MAGI2: variants seen among roughly 807,000 people sequenced by gnomAD.
The protein encoded by MAGI2 is membrane associated guanylate kinase, WW and PDZ domain containing 2.
Under a neutral mutation model 133.3 loss-of-function variants are expected in MAGI2, and 35 were observed. The ratio of observed to expected loss-of-function variants is 0.26; its 90% CI spans 0.20 to 0.35. The LOEUF (loss-of-function observed/expected upper bound fraction) is 0.35, where lower values mean the gene tolerates loss of function less well. Among genes scored for constraint, MAGI2 ranks in the 10% least tolerant of loss-of-function variants. MAGI2 has a pLI of 1.00. For synonymous variants in MAGI2, 729 were observed against 710.6 expected (o/e 1.03, Z -0.41); for missense variants, 1,636 against 1,863.4 (o/e 0.88, Z 2.25).
intron 1 of MAGI2, among the ~76,000 whole-genome samples, chr7:79,291,604 A>C (rs1836492268): frequency 6.6e-6 from 1 of 152,164 alleles, no homozygotes; most frequent in African/African-American, 2.4e-5. Context: ...AGTTACAGAC[A>C]TCCAAATGAG....
At chr7:78,360,534 G>A (rs1217477636) in intron 7 of MAGI2, among the ~76,000 whole-genome samples, 3 of 152,190 alleles carry the variant, frequency 2.0e-5, no homozygotes, top group Admixed American at 6.5e-5. Flanking sequence ...GTTTAATCTC[G>A]AGAGAGGAAA....
chr7:78,312,381 A>G (rs1798783940), intron 9 of MAGI2, among the ~76,000 whole-genome samples: 2 of 152,168 alleles, frequency 1.3e-5, no homozygotes, highest in Non-Finnish European at 2.9e-5. Flanking sequence ...GTATAGGCGA[A>G]CTGTAAATTT....
intron 1 of MAGI2, among the ~76,000 whole-genome samples, chr7:79,098,622 A>G (rs1011359108): frequency 2.1e-4 from 32 of 152,158 alleles, no homozygotes; most frequent in African/African-American, 7.0e-4. Flanking sequence ...TGCAATACTA[A>G]TCTTTGTTCC....
Position 78,489,857 on chromosome 7 carries a change from T to C in MAGI2, c.966-17A>G, listed in dbSNP as rs1016132345. On this transcript the variant is annotated splice_polypyrimidine_tract_variant and intron_variant, in intron 5 of 21. Transcript: ENST00000354212. Reference sequence around the variant, plus strand: ...GTGTTATGGCTGAAAAGAAAAGAGATCACTCTGAACAGACACATACTAAAA... The same window carrying C: ...GTGTTATGGCTGAAAAGAAAAGAGACCACTCTGAACAGACACATACTAAAA... 1 of 1,597,196 alleles carries C rather than the reference T, an allele frequency of 6.3e-7. No homozygotes were observed. The highest frequency in any genetic ancestry group is 8.6e-7 in the Non-Finnish European group (1 of 1,166,178).
At chr7:78,129,271 C>T (rs1051899436) in intron 18 of MAGI2, among the ~76,000 whole-genome samples, 4 of 152,250 alleles carry the variant, frequency 2.6e-5, no homozygotes, top group South Asian at 4.1e-4. Context: ...TACCCAGTGT[C>T]GTGTGTCAGG....
chr7:79,243,806 C>T (rs1036678436), intron 1 of MAGI2, among the ~76,000 whole-genome samples: 3 of 152,086 alleles, frequency 2.0e-5, no homozygotes, highest in African/African-American at 7.2e-5. Flanking sequence ...AATGAATACT[C>T]GTCAAAAAGA....
At chr7:78,258,791 A>T (rs758326720) in intron 9 of MAGI2, among the ~76,000 whole-genome samples, 1 of 152,174 alleles carries the variant, frequency 6.6e-6, no homozygotes, top group Non-Finnish European at 1.5e-5. Flanking sequence ...ATTGTAATAC[A>T]GTATTTAGTG....
Position 78,256,062 on chromosome 7 carries a change from C to T in MAGI2, c.1928G>A (p.Gly643Asp). The T allele has an allele frequency of 6.2e-7, 1 of 1,613,680 alleles. No homozygotes were observed. Among genetic ancestry groups the T allele is most frequent in the Non-Finnish European group, 8.5e-7 (1 of 1,179,878 alleles). The change falls in exon 10 of 22, where the codon GGC becomes GAC. Residue 643 changes from glycine to aspartate, a missense_variant. By Grantham distance (94) the Gly-to-Asp change is moderately conservative. Around this residue, in one of 5 missense-constraint regions of MAGI2, gnomAD observed 920 missense variants for 1,093.5 expected, o/e 0.84. Transcript: ENST00000354212. ...CTGGTTGATCTCAACAATGAGGTCG[C>T]CTTCACACAGGCCAGGGCATCCCTG... ...DIQGCPGLCE[G>D]DLIVEINQQN...
intron 1 of MAGI2, among the ~76,000 whole-genome samples, chr7:79,402,255 T>C (rs1845518516): frequency 6.6e-6 from 1 of 152,158 alleles, no homozygotes; most frequent in African/African-American, 2.4e-5. Context: ...TTTTTTAAAA[T>C]TGCAATTTTA....
intron 6 of MAGI2, among the ~76,000 whole-genome samples, chr7:78,479,712 G>A (rs190737374): frequency 7.8e-4 from 118 of 151,954 alleles, no homozygotes; most frequent in African/African-American, 2.5e-3. Context: ...GAATGTCCAG[G>A]ATAAACATAA....
intron 3 of MAGI2, among the ~76,000 whole-genome samples, chr7:78,573,364 A>AG (rs1801905487): frequency 2.7e-5 from 1 of 36,926 alleles, no homozygotes; most frequent in African/African-American, 1.8e-4. Flanking sequence ...AGAATCCTGG[A>AG]AATATATATA....
intron 6 of MAGI2, among the ~76,000 whole-genome samples, chr7:78,407,399 C>T (rs908603654): frequency 1.3e-5 from 2 of 151,918 alleles, no homozygotes; most frequent in African/African-American, 4.8e-5. Flanking sequence ...AAAAAAGTCA[C>T]CTTTTGTTAA....
intron 3 of MAGI2, among the ~76,000 whole-genome samples, chr7:78,531,244 T>C (rs549480139): frequency 6.7e-6 from 1 of 149,224 alleles, no homozygotes; most frequent in Admixed American, 6.7e-5. Context: ...AGACAGAGTC[T>C]CACTCTGTCA....
chr7:79,016,362 G>C (rs1808731781), intron 1 of MAGI2, among the ~76,000 whole-genome samples: 1 of 152,114 alleles, frequency 6.6e-6, no homozygotes, highest in Non-Finnish European at 1.5e-5. Context: ...ACCCCAGCTA[G>C]GCCTGATTGC....
At chr7:78,962,525 T>G (rs890443837) in intron 2 of MAGI2, among the ~76,000 whole-genome samples, 2 of 151,504 alleles carry the variant, frequency 1.3e-5, no homozygotes, top group African/African-American at 4.8e-5. Flanking sequence ...TTTTTTTTCT[T>G]CCCAGATAGG....
chr7:79,281,309 AAT>A (rs1359039144), intron 1 of MAGI2, among the ~76,000 whole-genome samples: 22 of 152,176 alleles, frequency 1.4e-4, no homozygotes, highest in Admixed American at 1.4e-3. Flanking sequence ...TAGAAATCTG[AAT>A]ATTAACCAGT....
rs944063312 is a variant in MAGI2 at position 78,904,322 on chromosome 7, A to C, written c.418+102768T>G. On this transcript the variant is annotated intron_variant, in intron 2 of 21. Transcript: ENST00000354212. Reference sequence around the variant, plus strand: ...ATAACATTAGGCTAAGACTTTAAAAATTCTATGAAAAAAAATCAATAATAC... The same window carrying C: ...ATAACATTAGGCTAAGACTTTAAAACTTCTATGAAAAAAAATCAATAATAC... 1.4e-4 allele frequency among the ~76,000 whole-genome samples: 22 copies of C among 152,198 alleles called. 2 individuals carry two copies. Among genetic ancestry groups the C allele is most frequent in the Non-Finnish European group, 2.9e-5 (2 of 68,032 alleles).
intron 3 of MAGI2, among the ~76,000 whole-genome samples, chr7:78,529,667 G>GGTTT: frequency 3.6e-5 from 2 of 56,320 alleles, no homozygotes; most frequent in Non-Finnish European, 7.2e-5. Context: ...TAAAGGAGAT[G>GGTTT]GTTTTTTTTT....
intron 2 of MAGI2, among the ~76,000 whole-genome samples, chr7:78,954,919 A>C (rs1283312737): frequency 6.6e-6 from 1 of 152,182 alleles, no homozygotes. Context: ...TGTGAGTTTT[A>C]AGAACCTTAC....
Sources: gnomAD v4.1 joint callset for allele counts (sites outside exome capture counted in the v4.1 genomes callset) on GRCh38, gnomAD v4.1.1 for gene constraint, gnomAD v4.1.1 regional missense constraint, MANE v1.5 for transcripts, NCBI Gene and HGNC (gene_info 2026-07-23, HGNC 2026-07-21) for gene names.